Variants in HPSE observed in about 807,000 individuals in gnomAD.
HPSE encodes heparanase, also known as endo-glucoronidase.
A neutral mutation model predicts 65.1 loss-of-function variants in HPSE; 48 were observed. The ratio of observed to expected loss-of-function variants is 0.74; its 90% CI spans 0.58 to 0.94. HPSE has a LOEUF of 0.94. Ranked by LOEUF, HPSE falls within the 40% of genes least tolerant of loss-of-function variation. The pLI, the probability that HPSE is intolerant of heterozygous loss-of-function variation, is 0.00. For missense variants in HPSE, 644 were observed against 637.5 expected (o/e 1.01, Z -0.11); for synonymous variants, 243 against 260.0 (o/e 0.93, Z 0.63).
intron 9 of HPSE, among the ~76,000 whole-genome samples, chr4:83,303,146 A>AG (rs954864167): frequency 1.3e-5 from 2 of 151,598 alleles, no homozygotes; most frequent in Non-Finnish European, 2.9e-5. Flanking sequence ...TCTTGCAAAA[A>AG]AATACAATTA....
intron 8 of HPSE, among the ~76,000 whole-genome samples, chr4:83,307,144 G>T (rs905251764): frequency 3.3e-5 from 5 of 152,208 alleles, no homozygotes; most frequent in African/African-American, 1.2e-4. Context: ...TGTTCGGGGA[G>T]ACTGATTTGA....
chr4:83,309,994 T>C (rs1240793255), intron 6 of HPSE, 37 bp downstream of exon 6: 1 of 1,478,086 alleles, frequency 6.8e-7, no homozygotes, highest in Non-Finnish European at 9.4e-7. Flanking sequence ...AAAGCTAGCC[T>C]TACTTTCCTA....
chr4:83,325,465 C>T (rs562915130), intron 1 of HPSE, among the ~76,000 whole-genome samples: 1 of 152,258 alleles, frequency 6.6e-6, no homozygotes, highest in Admixed American at 6.5e-5. Context: ...CACACCTGGC[C>T]TGTGCGTCTG....
intron 2 of HPSE, among the ~76,000 whole-genome samples, chr4:83,319,879 G>T (rs1736810948): frequency 6.6e-6 from 1 of 151,914 alleles, no homozygotes; most frequent in Non-Finnish European, 1.5e-5. Context: ...TGGCCAAATG[G>T]TGAAACCTCG....
intron 3 of HPSE, among the ~76,000 whole-genome samples, chr4:83,314,621 C>T (rs1736556430): frequency 6.6e-6 from 1 of 152,152 alleles, no homozygotes; most frequent in African/African-American, 2.4e-5. Flanking sequence ...AGAGTGGCAA[C>T]AATATAATTT....
chr4:83,302,054 T>C lies in HPSE; in HGVS notation c.1325+96A>G, dbSNP rs1248059101. The C allele has an allele frequency of 7.4e-6, 5 of 677,138 alleles. 1 individual carries two copies. Among genetic ancestry groups the C allele is most frequent in the African/African-American group, 3.7e-5 (2 of 54,544 alleles). The allele number at this position is 677,138 out of a possible 1,614,324, so 41.9% of individuals were successfully genotyped here. Reference sequence around the variant, plus strand: ...ACTAAATTGCAACTGCCTATACTTATGCAATGTATAGACACATGCAACAGG... The same window carrying C: ...ACTAAATTGCAACTGCCTATACTTACGCAATGTATAGACACATGCAACAGG... On this transcript the variant is annotated intron_variant, in intron 10 of 11. Coordinates refer to ENST00000311412, the MANE Select transcript of HPSE (RefSeq NM_001098540.3).
chr4:83,295,174 T>C lies in HPSE; in HGVS notation c.*170A>G. The stretch of plus-strand genomic sequence containing the variant: ...TTAGCTATTATTATTAGCAGTGTTC[T>C]ACCTAGCGAGATCAAAATACTGTGC... On this transcript the variant is annotated 3_prime_UTR_variant, in exon 12 of 12. Coordinates refer to ENST00000311412, the MANE Select transcript of HPSE (RefSeq NM_001098540.3). 2 of 434,228 alleles carry C rather than the reference T, an allele frequency of 4.6e-6. No homozygotes were observed. Among genetic ancestry groups the C allele is most frequent in the Non-Finnish European group, 8.2e-6 (2 of 243,870 alleles). 26.9% of individuals were successfully genotyped at this position (434,228 alleles called of 1,614,324 possible). A position where few individuals can be genotyped will look rare whatever the true frequency, so the allele number is the denominator to read the frequency against.
At chr4:83,316,347 A>AC (rs1208597052) in intron 3 of HPSE, among the ~76,000 whole-genome samples, 10 of 79,804 alleles carry the variant, frequency 1.3e-4, no homozygotes, top group African/African-American at 3.7e-4. Context: ...TAAAAAAAAA[A>AC]AACAAAAAAA....
intron 3 of HPSE, among the ~76,000 whole-genome samples, chr4:83,313,716 TA>T (rs1001274668): frequency 4.6e-5 from 7 of 152,144 alleles, no homozygotes; most frequent in African/African-American, 1.4e-4. Context: ...AAACAATTTT[TA>T]AAAAAATTCC....
chr4:83,313,361 T>C (rs549025215), intron 3 of HPSE, 74 bp from the exon 4 acceptor site: 2 of 886,282 alleles, frequency 2.3e-6, no homozygotes, highest in South Asian at 2.0e-5. Context: ...CTTTTCATAA[T>C]GAATAACTAT....
At chr4:83,318,376 G>A (rs924650228) in intron 3 of HPSE, among the ~76,000 whole-genome samples, 2 of 152,086 alleles carry the variant, frequency 1.3e-5, no homozygotes, top group African/African-American at 4.8e-5. Flanking sequence ...TGTAATCCCA[G>A]AACTTTGGGA....
chr4:83,311,149 A>G (rs570194034), intron 4 of HPSE, among the ~76,000 whole-genome samples: 45 of 115,686 alleles, frequency 3.9e-4, no homozygotes, highest in Non-Finnish European at 7.8e-4. Context: ...TTCCATGGGG[A>G]AAAAAAAAAA....
chr4:83,302,406 CTTT>C (rs779578507), intron 9 of HPSE, 138 bp from the exon 10 acceptor site: 717 of 497,780 alleles, frequency 1.4e-3, no homozygotes, highest in Middle Eastern at 2.4e-3. Context: ...TAGGATTCAT[CTTT>C]TTTTTTTTTT....
At chr4:83,298,314 A>C (rs1272179724) in intron 11 of HPSE, among the ~76,000 whole-genome samples, 1 of 152,198 alleles carries the variant, frequency 6.6e-6, no homozygotes, top group East Asian at 1.9e-4. Context: ...GTATGAGATA[A>C]ATATAAAATA....
chr4:83,319,195 T>A, intron 3 of HPSE, 149 bp downstream of exon 3: 1 of 766,062 alleles, frequency 1.3e-6, no homozygotes, highest in East Asian at 2.7e-5. Context: ...AAAAAGCAAG[T>A]TTTGAGTTTA....
At chr4:83,332,223 T>C (rs1001821125) in intron 1 of HPSE, among the ~76,000 whole-genome samples, 5 of 152,244 alleles carry the variant, frequency 3.3e-5, no homozygotes, top group African/African-American at 4.8e-5. Flanking sequence ...TCCTCTACTG[T>C]GGACCCCTAC....
At chr4:83,322,780 A>T (rs1736961243) in intron 1 of HPSE, among the ~76,000 whole-genome samples, 1 of 146,744 alleles carries the variant, frequency 6.8e-6, no homozygotes, top group Non-Finnish European at 1.5e-5. Context: ...AATTCTGGCA[A>T]GAGCTTGTTT....
intron 10 of HPSE, among the ~76,000 whole-genome samples, chr4:83,301,850 A>G (rs1412181853): frequency 6.6e-6 from 1 of 152,140 alleles, no homozygotes; most frequent in African/African-American, 2.4e-5. Flanking sequence ...TGTTGTTATT[A>G]TTGTTCTCCT....
chr4:83,319,784 G>C (rs1490612661), intron 2 of HPSE, among the ~76,000 whole-genome samples: 1 of 152,028 alleles, frequency 6.6e-6, no homozygotes, highest in Non-Finnish European at 1.5e-5. Flanking sequence ...TTACTGGCCG[G>C]GTGCAGTGGC....
Sources: gnomAD v4.1 joint callset for allele counts (sites outside exome capture counted in the v4.1 genomes callset) on GRCh38, gnomAD v4.1.1 for gene constraint, MANE v1.5 for transcripts, NCBI Gene and HGNC (gene_info 2026-07-23, HGNC 2026-07-21) for gene names.